The following COLEC12 variants were observed in gnomAD, a reference collection of about 807,000 sequenced individuals.
COLEC12 encodes the protein collectin-12.
In COLEC12, 33 loss-of-function variants were observed where a neutral mutation model predicts 71.1. That is an observed-to-expected ratio of 0.46 (90% CI 0.35 to 0.62). The LOEUF is 0.62. Ranked by LOEUF, COLEC12 falls within the 20% of genes least tolerant of loss-of-function variation. The probability of loss-of-function intolerance (pLI) is 0.00; values close to 1 mark genes in which losing one functional copy is unlikely to be tolerated. For synonymous variants in COLEC12, 350 were observed against 353.0 expected (o/e 0.99, Z 0.10); for missense variants, 765 against 916.1 (o/e 0.84, Z 2.13).
intron 3 of COLEC12, among the ~76,000 whole-genome samples, chr18:350,261 G>A (rs190838304): frequency 2.6e-5 from 4 of 152,212 alleles, no homozygotes; most frequent in African/African-American, 9.6e-5. Context: ...GAGATCTGAT[G>A]GGTTTCCACT....
chr18:352,202 T>G (rs537667363), intron 3 of COLEC12, among the ~76,000 whole-genome samples: 30 of 152,336 alleles, frequency 2.0e-4, no homozygotes, highest in African/African-American at 7.0e-4. Flanking sequence ...GAATAAAATG[T>G]TGCATATGTG....
chr18:362,278 G>T lies in COLEC12; in HGVS notation c.59-4756C>A, dbSNP rs1598338842. ...CATTTAATCAATATCAGATGGCACTGCCTGGCCTCCCTTTCCACTTGACAC... is the reference window on the plus strand; with the variant it reads ...CATTTAATCAATATCAGATGGCACTTCCTGGCCTCCCTTTCCACTTGACAC... On this transcript the variant is annotated intron_variant, in intron 2 of 9. Transcript: ENST00000400256. This position sits in a 1 kb window ranked among gnomAD's most constrained non-coding sequence, Gnocchi z 4.6. Among the ~76,000 whole-genome samples the T allele has an allele frequency of 1.3e-5, 2 of 152,314 alleles. No individual in the cohort carries two copies. Among genetic ancestry groups the T allele is most frequent in the East Asian group, 3.9e-4 (2 of 5,176 alleles).
chr18:346,500 G>A lies in COLEC12; in HGVS notation c.1122C>T (p.Thr374=), dbSNP rs946811379. The change falls in exon 5 of 10, where the codon ACC becomes ACT. Residue 374 remains threonine (T), a synonymous_variant. Transcript: ENST00000400256. This position sits in a 1 kb window ranked among gnomAD's most constrained non-coding sequence, Gnocchi z 4.0. ...LNEVRTTCTD[T]LTKHTDDLTS... ...TCAGATCATCTGTGTGTTTGGTAAGGGTATCTGTGCAAGTGGTCCTGACTT... is the reference window on the plus strand; with the variant it reads ...TCAGATCATCTGTGTGTTTGGTAAGAGTATCTGTGCAAGTGGTCCTGACTT... The A allele has an allele frequency of 5.0e-6, 8 of 1,614,028 alleles. No individual in the cohort carries two copies. In the African/African-American group the frequency reaches 9.3e-5, roughly 19 times the overall value.
At chr18:328,994 G>C (rs960242894) in intron 8 of COLEC12, among the ~76,000 whole-genome samples, 1 of 152,104 alleles carries the variant, frequency 6.6e-6, no homozygotes, top group South Asian at 2.1e-4. Context: ...TATTCCTTTG[G>C]GTGGAAAACG....
chr18:386,525 G>C (rs994242869), intron 2 of COLEC12, among the ~76,000 whole-genome samples: 31 of 152,276 alleles, frequency 2.0e-4, no homozygotes, highest in African/African-American at 6.3e-4. Context: ...ATTAACATTG[G>C]AGAAGCACTG....
chr18:375,405 T>C (rs1915091679), intron 2 of COLEC12, among the ~76,000 whole-genome samples: 1 of 152,216 alleles, frequency 6.6e-6, no homozygotes, highest in African/African-American at 2.4e-5. Context: ...AAAAACATCA[T>C]CTTCTCAGAG....
intron 2 of COLEC12, among the ~76,000 whole-genome samples, chr18:473,368 T>C (rs1459497970): frequency 1.4e-5 from 1 of 69,454 alleles, no homozygotes; most frequent in Non-Finnish European, 3.7e-5. Context: ...AAATCTCTTT[T>C]TTTTATTTTT....
intron 2 of COLEC12, among the ~76,000 whole-genome samples, chr18:400,563 A>G (rs919180571): frequency 1.3e-5 from 2 of 152,220 alleles, no homozygotes; most frequent in Non-Finnish European, 2.9e-5. Context: ...GTAGCATTTC[A>G]GCCGTATTGT....
intron 1 of COLEC12, among the ~76,000 whole-genome samples, chr18:491,442 C>T (rs922085263): frequency 5.3e-5 from 8 of 152,338 alleles, no homozygotes; most frequent in Admixed American, 2.0e-4. Flanking sequence ...CTCCTATAAG[C>T]TGGAACCAAT....
intron 3 of COLEC12, among the ~76,000 whole-genome samples, chr18:355,705 C>G (rs2143497671): frequency 6.6e-6 from 1 of 152,284 alleles, no homozygotes; most frequent in South Asian, 2.1e-4. Flanking sequence ...TGATTTCAAG[C>G]TTCTCCTTTA....
intron 5 of COLEC12, among the ~76,000 whole-genome samples, chr18:342,866 T>C (rs1914287035): frequency 6.6e-6 from 1 of 152,210 alleles, no homozygotes; most frequent in Non-Finnish European, 1.5e-5. Flanking sequence ...GATTTCAGAA[T>C]TGAGATTTTC....
chr18:365,693 T>TA (rs1041386897), intron 2 of COLEC12, among the ~76,000 whole-genome samples: 5 of 151,614 alleles, frequency 3.3e-5, no homozygotes, highest in Admixed American at 1.3e-4. Flanking sequence ...AGCCTCCCTC[T>TA]AAAAAAAAAT....
intron 2 of COLEC12, among the ~76,000 whole-genome samples, chr18:359,448 C>T (rs896761520): frequency 1.3e-5 from 2 of 152,064 alleles, no homozygotes; most frequent in East Asian, 1.9e-4. Context: ...AGACAGTGAC[C>T]CTTATATTAG....
intron 2 of COLEC12, among the ~76,000 whole-genome samples, chr18:466,890 G>A (rs117003833): frequency 3.9e-5 from 6 of 151,954 alleles, no homozygotes; most frequent in Non-Finnish European, 7.4e-5. Context: ...ACTTCCTACC[G>A]TGTCCAGCCC....
At chr18:424,867 G>A (rs8097708) in intron 2 of COLEC12, among the ~76,000 whole-genome samples, 27,514 of 152,232 alleles carry the variant, frequency 0.18, 2,785 homozygotes, top group Middle Eastern at 0.24. Flanking sequence ...CAGTAAGTCT[G>A]CCGACAACCA....
intron 3 of COLEC12, among the ~76,000 whole-genome samples, chr18:353,514 T>A (rs971883993): frequency 6.6e-6 from 1 of 152,216 alleles, no homozygotes; most frequent in Non-Finnish European, 1.5e-5. Context: ...TTTCCTCCAA[T>A]AAAGAATCCC....
At chr18:453,622 ACT>A (rs1427920424) in intron 2 of COLEC12, among the ~76,000 whole-genome samples, 1 of 151,780 alleles carries the variant, frequency 6.6e-6, no homozygotes, top group East Asian at 1.9e-4. Context: ...CCCTGTCTAT[ACT>A]CTCTTCTTCT....
At chr18:376,250 T>G (rs1915111258) in intron 2 of COLEC12, among the ~76,000 whole-genome samples, 2 of 152,174 alleles carry the variant, frequency 1.3e-5, no homozygotes, top group South Asian at 4.1e-4. Context: ...CTTACAGACC[T>G]TTACACTGCA....
At chr18:326,940 G>A (rs552113946) in intron 8 of COLEC12, among the ~76,000 whole-genome samples, 2 of 152,302 alleles carry the variant, frequency 1.3e-5, no homozygotes, top group Admixed American at 6.5e-5. Context: ...CATGGCCCTG[G>A]AAACCTGCCT....
Sources: gnomAD v4.1 joint callset for allele counts (sites outside exome capture counted in the v4.1 genomes callset) on GRCh38, gnomAD v4.1.1 for gene constraint, Gnocchi (gnomAD v3.1) non-coding constraint, MANE v1.5 for transcripts, NCBI Gene and HGNC (gene_info 2026-07-23, HGNC 2026-07-21) for gene names.